TNR: variants seen among roughly 807,000 people sequenced by gnomAD.
The protein encoded by TNR is tenascin R.
In TNR, 45 loss-of-function variants were observed where a neutral mutation model predicts 150.4. The ratio of observed to expected loss-of-function variants is 0.30; its 90% CI spans 0.24 to 0.38. The LOEUF (loss-of-function observed/expected upper bound fraction) is 0.38, where lower values mean the gene tolerates loss of function less well. Ranked by LOEUF, TNR falls within the 10% of genes least tolerant of loss-of-function variation. TNR has a pLI of 1.00. For synonymous variants in TNR, 687 were observed against 678.4 expected, an observed-to-expected ratio of 1.01 and a Z score of -0.20; for missense variants, 1,544 against 1,759.1, an observed-to-expected ratio of 0.88 and a Z score of 2.19.
At chr1:175,429,258 CATT>C (rs1655151119) in intron 2 of TNR, among the ~76,000 whole-genome samples, 1 of 151,982 alleles carries the variant, frequency 6.6e-6, no homozygotes, top group South Asian at 2.1e-4. Context: ...ATTTGTGAAT[CATT>C]AAGATAGATA....
intron 2 of TNR, among the ~76,000 whole-genome samples, chr1:175,522,815 A>G (rs1172951872): frequency 1.3e-5 from 2 of 152,212 alleles, no homozygotes; most frequent in Admixed American, 6.5e-5. Context: ...TCATTATGAC[A>G]TATTTGTTAA....
chr1:175,577,024 C>G (rs1269516395), intron 1 of TNR, among the ~76,000 whole-genome samples: 1 of 152,184 alleles, frequency 6.6e-6, no homozygotes, highest in Non-Finnish European at 1.5e-5. Flanking sequence ...AGCATGCCCC[C>G]TGGGGGTTTC....
At chr1:175,533,658 T>A (rs777372199) in intron 1 of TNR, among the ~76,000 whole-genome samples, 1 of 152,220 alleles carries the variant, frequency 6.6e-6, no homozygotes, top group Non-Finnish European at 1.5e-5. Context: ...AGTCCATAAT[T>A]ATCTTTTATT....
At chr1:175,417,123 A>C (rs1166140322) in intron 2 of TNR, among the ~76,000 whole-genome samples, 2 of 151,584 alleles carry the variant, frequency 1.3e-5, no homozygotes, top group Non-Finnish European at 2.9e-5. Flanking sequence ...AATCTAGTTG[A>C]GAAGACTAGG....
At chr1:175,437,576 A>G (rs1655566651) in intron 2 of TNR, among the ~76,000 whole-genome samples, 1 of 152,226 alleles carries the variant, frequency 6.6e-6, no homozygotes, top group African/African-American at 2.4e-5. Flanking sequence ...TCAAAAAATC[A>G]ATGAATTCAG....
intron 2 of TNR, among the ~76,000 whole-genome samples, chr1:175,465,524 G>T (rs1281610066): frequency 6.6e-6 from 1 of 152,174 alleles, no homozygotes; most frequent in African/African-American, 2.4e-5. Flanking sequence ...TTCCCCTGGA[G>T]TCAGCAGGGC....
intron 2 of TNR, among the ~76,000 whole-genome samples, chr1:175,445,848 A>G (rs1289436076): frequency 1.3e-5 from 2 of 152,190 alleles, no homozygotes; most frequent in Non-Finnish European, 2.9e-5. Flanking sequence ...GTTCCCCTTT[A>G]TTGAGTTTTC....
At position 175,695,101 on chromosome 1, in the gene TNR, TA is replaced by T. The variant is rs550695766; in HGVS notation, c.-165+48124del. On this transcript the variant is annotated intron_variant, in intron 1 of 22. Coordinates refer to ENST00000367674, the MANE Select transcript of TNR (RefSeq NM_003285.3). ...TGGGCTACACTTACTGGCTCCCCTC[TA>T]AGAAGTAGAACATGGTAGAAGGGAT... 6.2e-3 allele frequency among the ~76,000 whole-genome samples: 946 copies of T among 152,326 alleles called. 4 individuals are homozygous for T. Among genetic ancestry groups the T allele is most frequent in the Non-Finnish European group, 0.011 (752 of 68,028 alleles).
intron 1 of TNR, among the ~76,000 whole-genome samples, chr1:175,573,807 G>A (rs1661985437): frequency 6.6e-6 from 1 of 152,190 alleles, no homozygotes; most frequent in Admixed American, 6.5e-5. Flanking sequence ...CTTGGCAGAT[G>A]TCCAGAATTG....
intron 21 of TNR, 72 bp from the exon 22 acceptor site, chr1:175,324,591 C>G (rs1391096359): frequency 2.0e-6 from 3 of 1,537,224 alleles, no homozygotes; most frequent in Non-Finnish European, 2.7e-6. Flanking sequence ...GACACTTGAC[C>G]CACTTCCAGC....
chr1:175,386,276 C>A lies in TNR; in HGVS notation c.1533G>T (p.Leu511=). The change falls in exon 8 of 23, where the codon CTG becomes CTT. Residue 511 remains leucine (L), a synonymous_variant. Coordinates refer to ENST00000367674, the MANE Select transcript of TNR (RefSeq NM_003285.3). ...CCACAGTGTCCGAGACATCGCGAAC[C>A]AGGATCTGCGTGGGGCCGTCAATGA... The part of the protein sequence containing the change: ...STVIDGPTQI[L]VRDVSDTVAF... The A allele has an allele frequency of 6.3e-7, 1 of 1,578,870 alleles. No individual in the cohort carries two copies. The highest frequency in any genetic ancestry group is 8.6e-7 in the Non-Finnish European group (1 of 1,156,304).
intron 1 of TNR, among the ~76,000 whole-genome samples, chr1:175,712,701 C>G (rs991366054): frequency 6.6e-6 from 1 of 151,754 alleles, no homozygotes; most frequent in Non-Finnish European, 1.5e-5. Context: ...GATCACCCAC[C>G]CTCTCTCTCT....
At chr1:175,674,882 A>G (rs1041735844) in intron 1 of TNR, among the ~76,000 whole-genome samples, 1 of 152,190 alleles carries the variant, frequency 6.6e-6, no homozygotes, top group Non-Finnish European at 1.5e-5. Flanking sequence ...GGATTGTGAC[A>G]AACATTTAAT....
chr1:175,668,441 C>A (rs1665594592), intron 1 of TNR, among the ~76,000 whole-genome samples: 1 of 152,142 alleles, frequency 6.6e-6, no homozygotes, highest in Non-Finnish European at 1.5e-5. Flanking sequence ...AATCTGGCAT[C>A]CCCACAGTAG....
At chr1:175,685,690 A>T (rs1232810576) in intron 1 of TNR, among the ~76,000 whole-genome samples, 1 of 152,170 alleles carries the variant, frequency 6.6e-6, no homozygotes, top group African/African-American at 2.4e-5. Context: ...TAAGTATGTC[A>T]AAGTGACCAT....
intron 1 of TNR, among the ~76,000 whole-genome samples, chr1:175,695,435 C>G (rs773428514): frequency 4.2e-5 from 6 of 144,106 alleles, no homozygotes; most frequent in Non-Finnish European, 7.4e-5. Flanking sequence ...AATCCCTGAC[C>G]CACAGAAACT....
intron 14 of TNR, among the ~76,000 whole-genome samples, chr1:175,362,028 T>G (rs1211933278): frequency 6.6e-6 from 1 of 152,124 alleles, no homozygotes; most frequent in African/African-American, 2.4e-5. Flanking sequence ...CTCTGGTCAT[T>G]ATGTAGGAGC....
At chr1:175,615,633 C>T (rs745811734) in intron 1 of TNR, among the ~76,000 whole-genome samples, 2 of 152,162 alleles carry the variant, frequency 1.3e-5, no homozygotes, top group African/African-American at 2.4e-5. Context: ...TCACTTTGGC[C>T]GGTCTCCTGA....
chr1:175,478,103 C>T lies in TNR; in HGVS notation c.-64+50166G>A, dbSNP rs577624142. ...AGAGGGGCACACATTTTATTCTCAA[C>T]TAAAAATAAACCATTTGGGGTTATG... On this transcript the variant is annotated intron_variant, in intron 2 of 22. Coordinates refer to ENST00000367674, the MANE Select transcript of TNR (RefSeq NM_003285.3). 2.2e-4 allele frequency among the ~76,000 whole-genome samples: 34 copies of T among 152,290 alleles called. No homozygotes were observed. In the South Asian group the frequency reaches 5.6e-3, roughly 25 times the overall value.
Sources: allele counts gnomAD v4.1 joint callset (sites outside exome capture counted in the v4.1 genomes callset), GRCh38; gene constraint gnomAD v4.1.1; transcripts MANE v1.5; gene names NCBI Gene and HGNC (gene_info 2026-07-23, HGNC 2026-07-21).